BRAF: variants seen among roughly 807,000 people sequenced by gnomAD.
The protein encoded by BRAF is serine/threonine-protein kinase B-raf.
Under a neutral mutation model 104.6 loss-of-function variants are expected in BRAF, and 16 were observed. That is an observed-to-expected ratio of 0.15 (90% confidence interval 0.10 to 0.23). BRAF has a LOEUF of 0.23. Among genes scored for constraint, BRAF ranks in the 10% least tolerant of loss-of-function variants. The probability of loss-of-function intolerance (pLI) is 1.00; values close to 1 mark genes in which losing one functional copy is unlikely to be tolerated. For synonymous variants in BRAF, 310 were observed against 341.6 expected (o/e 0.91, Z 1.02); for missense variants, 541 against 937.3 (o/e 0.58, Z 5.52).
chr7:140,834,362 G>A (rs1331871775), intron 3 of BRAF: 1 of 606,408 alleles, frequency 1.6e-6, no homozygotes, highest in African/African-American at 1.9e-5. Context: ...GCTTAGACAT[G>A]ACTGTGGTTC....
At chr7:140,843,458 C>T (rs1808204996) in intron 2 of BRAF, among the ~76,000 whole-genome samples, 1 of 152,094 alleles carries the variant, frequency 6.6e-6, no homozygotes, top group African/African-American at 2.4e-5. Flanking sequence ...AAATGAAAAT[C>T]CCTATTTGTT....
chr7:140,774,892 T>C (rs929383709), intron 14 of BRAF, among the ~76,000 whole-genome samples: 1 of 152,134 alleles, frequency 6.6e-6, no homozygotes, highest in African/African-American at 2.4e-5. Flanking sequence ...TAATATGCAG[T>C]TGTGTGTAAT....
chr7:140,820,550 C>G (rs916780212), intron 3 of BRAF, among the ~76,000 whole-genome samples: 2 of 152,152 alleles, frequency 1.3e-5, no homozygotes, highest in East Asian at 3.8e-4. Flanking sequence ...ATAAGGGTAT[C>G]AAGTATAAAA....
At chr7:140,849,806 C>T (rs368104819) in intron 2 of BRAF, among the ~76,000 whole-genome samples, 6 of 149,968 alleles carry the variant, frequency 4.0e-5, no homozygotes, top group African/African-American at 7.4e-5. Flanking sequence ...AGCGAGACTC[C>T]GTCTCAAAAA....
At chr7:140,873,749 G>T (rs1811877895) in intron 1 of BRAF, among the ~76,000 whole-genome samples, 1 of 152,184 alleles carries the variant, frequency 6.6e-6, no homozygotes, top group South Asian at 2.1e-4. Context: ...GCCTCTGCAT[G>T]TTCATGCACA....
At chr7:140,911,082 C>G (rs945122760) in intron 1 of BRAF, among the ~76,000 whole-genome samples, 3 of 152,128 alleles carry the variant, frequency 2.0e-5, no homozygotes, top group African/African-American at 7.2e-5. Context: ...CTGCCATATT[C>G]TAGGTGAGTT....
intron 2 of BRAF, among the ~76,000 whole-genome samples, chr7:140,849,664 T>C (rs1278298074): frequency 6.6e-6 from 1 of 151,554 alleles, no homozygotes; most frequent in African/African-American, 2.4e-5. Context: ...TAGAAAAAAT[T>C]AGGTGGACGT....
At chr7:140,739,434 T>A (rs545482194) in intron 18 of BRAF, among the ~76,000 whole-genome samples, 1 of 151,868 alleles carries the variant, frequency 6.6e-6, no homozygotes, top group South Asian at 2.1e-4. Context: ...ACATATTGGT[T>A]TACTATGTTT....
At chr7:140,758,842 C>G (rs1420974175) in intron 14 of BRAF, among the ~76,000 whole-genome samples, 1 of 152,252 alleles carries the variant, frequency 6.6e-6, no homozygotes, top group Non-Finnish European at 1.5e-5. Flanking sequence ...TTTCAACACA[C>G]ACATACACTT....
intron 14 of BRAF, among the ~76,000 whole-genome samples, chr7:140,772,991 A>G (rs1799994960): frequency 6.6e-6 from 1 of 152,152 alleles, no homozygotes; most frequent in Admixed American, 6.5e-5. Flanking sequence ...AAATATCAAC[A>G]TTTTAGCATT....
At chr7:140,746,138 T>G (rs1562937623) in intron 17 of BRAF, among the ~76,000 whole-genome samples, 1 of 152,216 alleles carries the variant, frequency 6.6e-6, no homozygotes. Context: ...TACTACATTC[T>G]GGGTGGTTTG....
Position 140,850,265 on chromosome 7 carries a change from G to T in BRAF, c.139-53C>A. On this transcript the variant is annotated intron_variant, in intron 1 of 19. Transcript: ENST00000644969. ...TAAAAATCACTTAGTATATGAATTA[G>T]AAATATTTTAACATAGACAACTACA... is the stretch of plus-strand genomic sequence containing the variant. 2.9e-6 allele frequency: 4 copies of T among 1,381,492 alleles called. No homozygotes were observed. In the South Asian group the frequency reaches 3.6e-5, roughly 12 times the overall value. 85.6% of individuals were successfully genotyped at this position (1,381,492 alleles called of 1,614,324 possible).
At chr7:140,810,977 T>C (rs769379712) in intron 3 of BRAF, among the ~76,000 whole-genome samples, 5 of 152,196 alleles carry the variant, frequency 3.3e-5, no homozygotes, top group Admixed American at 6.5e-5. Flanking sequence ...TCCCTAAGCA[T>C]AGTGCTCACG....
intron 1 of BRAF, among the ~76,000 whole-genome samples, chr7:140,913,915 T>C (rs575894852): frequency 8.2e-4 from 125 of 152,350 alleles, no homozygotes; most frequent in African/African-American, 2.9e-3. Flanking sequence ...AATCAGTATG[T>C]TGCCACTTCA....
At chr7:140,757,657 C>T (rs572594326) in intron 14 of BRAF, among the ~76,000 whole-genome samples, 17 of 152,112 alleles carry the variant, frequency 1.1e-4, no homozygotes, top group Admixed American at 3.3e-4. Context: ...CTAAAAAAGT[C>T]GGTTTTTTCT....
chr7:140,828,504 A>C (rs1024931184), intron 3 of BRAF, among the ~76,000 whole-genome samples: 1 of 152,210 alleles, frequency 6.6e-6, no homozygotes, highest in Non-Finnish European at 1.5e-5. Context: ...ACCTACTAGA[A>C]TATTGCAATG....
At chr7:140,740,617 G>A (rs1796842032) in intron 17 of BRAF, 1 of 152,224 alleles carries the variant, frequency 6.6e-6, no homozygotes, top group Non-Finnish European at 1.5e-5. Flanking sequence ...GGAGTCTTGG[G>A]ACTCAGGGAG....
Position 140,803,315 on chromosome 7 carries a change from G to A in BRAF, c.712-1755C>T, listed in dbSNP as rs567394776. Among the ~76,000 whole-genome samples the A allele has an allele frequency of 1.1e-4, 16 of 152,310 alleles. No individual in the cohort carries two copies. The East Asian group carries it at 3.1e-3, about 29-fold the overall frequency. ...AAAATTAACAGTGAATTCCTCCAGA[G>A]TGGAATTGGGGGTGGGAGGGAGAGA... On this transcript the variant is annotated intron_variant, in intron 5 of 19. Coordinates refer to ENST00000644969, the MANE Select transcript of BRAF (RefSeq NM_001374258.1).
At chr7:140,792,939 G>A (rs554354728) in intron 8 of BRAF, among the ~76,000 whole-genome samples, 3 of 152,174 alleles carry the variant, frequency 2.0e-5, no homozygotes, top group East Asian at 1.9e-4. Flanking sequence ...AAAAAATTCT[G>A]ACAGTTGCAG....
Sources: gnomAD v4.1 joint callset for allele counts (sites outside exome capture counted in the v4.1 genomes callset) on GRCh38, gnomAD v4.1.1 for gene constraint, MANE v1.5 for transcripts, NCBI Gene and HGNC (gene_info 2026-07-23, HGNC 2026-07-21) for gene names.